Variants in SEC24B observed in about 807,000 individuals in gnomAD.
SEC24B encodes the protein SEC24 homolog B, COPII component.
Under a neutral mutation model 142.8 loss-of-function variants are expected in SEC24B, and 45 were observed. That is an observed-to-expected ratio of 0.32 (90% CI 0.25 to 0.40). SEC24B has a LOEUF of 0.40. Among genes scored for constraint, SEC24B ranks in the 10% least tolerant of loss-of-function variants. SEC24B has a pLI of 1.00. For missense variants in SEC24B, 1,409 were observed against 1,526.8 expected, an observed-to-expected ratio of 0.92 and a Z score of 1.29; for synonymous variants, 574 against 568.2, an observed-to-expected ratio of 1.01 and a Z score of -0.15.
intron 3 of SEC24B, among the ~76,000 whole-genome samples, chr4:109,480,620 A>G (rs1733641483): frequency 6.6e-6 from 1 of 152,114 alleles, no homozygotes; most frequent in Non-Finnish European, 1.5e-5. Context: ...AGCTGGGACT[A>G]CAGGCGTGCG....
chr4:109,477,978 C>T (rs919210549), intron 3 of SEC24B, among the ~76,000 whole-genome samples: 61 of 152,150 alleles, frequency 4.0e-4, no homozygotes, highest in African/African-American at 1.4e-3. Flanking sequence ...GAAAATACTC[C>T]ATTTGTTTTT....
At chr4:109,449,528 A>T in intron 1 of SEC24B, 1 of 454,806 alleles carries the variant, frequency 2.2e-6, no homozygotes, top group Non-Finnish European at 4.4e-6. Flanking sequence ...CACTACGCCC[A>T]GACATTTATT....
intron 10 of SEC24B, among the ~76,000 whole-genome samples, chr4:109,515,020 A>G (rs774933952): frequency 6.6e-6 from 1 of 152,172 alleles, no homozygotes; most frequent in Non-Finnish European, 1.5e-5. Flanking sequence ...ATCTTAATCT[A>G]ATTGAAGTGG....
At chr4:109,477,050 T>C (rs1261005813) in intron 3 of SEC24B, among the ~76,000 whole-genome samples, 1 of 145,610 alleles carries the variant, frequency 6.9e-6, no homozygotes. Flanking sequence ...GGCAGGAGAA[T>C]GGCGTGAACC....
At chr4:109,464,501 C>T (rs544900555) in intron 2 of SEC24B, among the ~76,000 whole-genome samples, 9 of 152,172 alleles carry the variant, frequency 5.9e-5, no homozygotes, top group South Asian at 2.1e-4. Context: ...CTCGAACACG[C>T]GAGCTACTGT....
At chr4:109,435,623 G>A (rs188592010) in intron 1 of SEC24B, among the ~76,000 whole-genome samples, 70 of 152,346 alleles carry the variant, frequency 4.6e-4, no homozygotes, top group African/African-American at 1.7e-3. Context: ...ACTCAGCCAA[G>A]TGTAATCAGG....
intron 1 of SEC24B, among the ~76,000 whole-genome samples, chr4:109,435,875 G>C (rs1215958703): frequency 6.6e-6 from 1 of 152,102 alleles, no homozygotes; most frequent in Non-Finnish European, 1.5e-5. Flanking sequence ...TGAGGGACTC[G>C]ACAGGTTGGG....
At chr4:109,477,140 T>TAAAAAAA (rs759331468) in intron 3 of SEC24B, among the ~76,000 whole-genome samples, 5 of 55,904 alleles carry the variant, frequency 8.9e-5, no homozygotes, top group Non-Finnish European at 1.8e-4. Flanking sequence ...CCGTCTCAAA[T>TAAAAAAA]AAAAAAAAAA....
chr4:109,493,281 G>GA (rs11368436), intron 5 of SEC24B, among the ~76,000 whole-genome samples: 46,264 of 146,194 alleles, frequency 0.32, 11,818 homozygotes, highest in African/African-American at 0.71. Flanking sequence ...GATTCTTCAA[G>GA]AAAAAAAAAA....
intron 7 of SEC24B, among the ~76,000 whole-genome samples, chr4:109,508,614 A>AG (rs1736978369): frequency 6.6e-6 from 1 of 152,280 alleles, no homozygotes; most frequent in Non-Finnish European, 1.5e-5. Flanking sequence ...TATGTATAAG[A>AG]GAACCCATAG....
chr4:109,527,633 G>T (rs1464831166), intron 18 of SEC24B, among the ~76,000 whole-genome samples: 2 of 151,918 alleles, frequency 1.3e-5, no homozygotes, highest in African/African-American at 4.8e-5. Flanking sequence ...ATAGCCGAGC[G>T]TGGTGGCAGG....
intron 14 of SEC24B, 74 bp from the exon 15 acceptor site, chr4:109,524,743 CT>C: frequency 1.4e-6 from 2 of 1,413,740 alleles, no homozygotes; most frequent in Non-Finnish European, 1.9e-6. Flanking sequence ...AGAGGATATC[CT>C]TTTTGTTATA....
intron 6 of SEC24B, among the ~76,000 whole-genome samples, chr4:109,499,231 T>C (rs1261665920): frequency 6.6e-6 from 1 of 152,178 alleles, no homozygotes; most frequent in East Asian, 1.9e-4. Context: ...AATACAAATA[T>C]CACTTTGGAA....
intron 14 of SEC24B, among the ~76,000 whole-genome samples, chr4:109,522,086 C>T (rs1335759130): frequency 6.8e-6 from 1 of 146,730 alleles, no homozygotes; most frequent in Non-Finnish European, 1.5e-5. Flanking sequence ...GAGTCTTGCT[C>T]TGTCGCCCAG....
intron 8 of SEC24B, 46 bp downstream of exon 8, chr4:109,510,157 T>C: frequency 1.0e-6 from 1 of 985,538 alleles, no homozygotes; most frequent in South Asian, 1.7e-5. Context: ...CATGTATGCT[T>C]ATGTACAAGG....
At chr4:109,466,667 C>T (rs1414939856) in intron 2 of SEC24B, among the ~76,000 whole-genome samples, 1 of 152,194 alleles carries the variant, frequency 6.6e-6, no homozygotes, top group Non-Finnish European at 1.5e-5. Context: ...GCCTTGGCCT[C>T]CCAAAGTGCT....
intron 1 of SEC24B, among the ~76,000 whole-genome samples, chr4:109,452,900 G>A (rs1270883459): frequency 6.6e-6 from 1 of 152,082 alleles, no homozygotes; most frequent in Non-Finnish European, 1.5e-5. Flanking sequence ...TTTTTAGACA[G>A]ATATCGGGGG....
At chr4:109,533,501 T>C in intron 21 of SEC24B, 92 bp from the exon 22 acceptor site, 1 of 809,164 alleles carries the variant, frequency 1.2e-6, no homozygotes, top group Non-Finnish European at 2.1e-6. Flanking sequence ...TCTGTTTGTT[T>C]CTACCTTATT....
In SEC24B at chr4:109,481,669, C is replaced by T. The variant is rs1214760525; in HGVS notation, c.1061-8C>T. The T allele has an allele frequency of 1.9e-6, 3 of 1,595,156 alleles. No individual in the cohort carries two copies. The highest frequency in any genetic ancestry group is 4.5e-5 in the East Asian group (2 of 44,738). On this transcript the variant is annotated splice_polypyrimidine_tract_variant and splice_region_variant and intron_variant, in intron 3 of 23. Coordinates refer to ENST00000265175, the MANE Select transcript of SEC24B (RefSeq NM_006323.5). ...TTGACTCTTATGTTTGTGCTTTCCA[C>T]TTTACAGGCGTGCAGTATGGTGAAT...
Sources: allele counts gnomAD v4.1 joint callset (sites outside exome capture counted in the v4.1 genomes callset), GRCh38; gene constraint gnomAD v4.1.1; transcripts MANE v1.5; gene names NCBI Gene and HGNC (gene_info 2026-07-23, HGNC 2026-07-21).